Variants in UBE3C observed in about 807,000 individuals in gnomAD.
The protein encoded by UBE3C is ubiquitin protein ligase E3C.
Under a neutral mutation model 129.4 loss-of-function variants are expected in UBE3C, and 42 were observed. The ratio of observed to expected loss-of-function variants is 0.32; its 90% CI spans 0.25 to 0.42. The LOEUF (loss-of-function observed/expected upper bound fraction) is 0.42. Among genes scored for constraint, UBE3C ranks in the 10% least tolerant of loss-of-function variants. UBE3C has a pLI of 1.00. For synonymous variants in UBE3C, 510 were observed against 492.4 expected (o/e 1.04, Z -0.47); for missense variants, 1,049 against 1,319.1 (o/e 0.80, Z 3.17).
intron 10 of UBE3C, among the ~76,000 whole-genome samples, chr7:157,197,022 A>G (rs940756738): frequency 3.3e-5 from 5 of 152,246 alleles, no homozygotes; most frequent in African/African-American, 4.8e-5. Flanking sequence ...CACAGCAGTC[A>G]TAATTCTGCA....
intron 1 of UBE3C, among the ~76,000 whole-genome samples, chr7:157,139,826 C>T (rs1323441778): frequency 1.3e-5 from 2 of 152,204 alleles, no homozygotes; most frequent in Non-Finnish European, 2.9e-5. Flanking sequence ...ACCTGAAGGG[C>T]GTTTTCGGTT....
At chr7:157,146,400 C>G (rs1292399975) in intron 1 of UBE3C, among the ~76,000 whole-genome samples, 4 of 122,888 alleles carry the variant, frequency 3.3e-5, no homozygotes, top group Non-Finnish European at 6.4e-5. Flanking sequence ...CCTGGCTACT[C>G]TAGTACAGAC....
intron 18 of UBE3C, 103 bp downstream of exon 18, chr7:157,231,430 T>G: frequency 6.6e-7 from 1 of 1,513,202 alleles, no homozygotes; most frequent in Non-Finnish European, 8.8e-7. Flanking sequence ...TACTGTTTGT[T>G]TTAAATTTGG....
rs1563074158 is a variant in UBE3C, at chr7:157,248,507, A to G, written c.2621A>G (p.Lys874Arg). ...GTGTATAAGAATTTGCTCTTTCTGAAGAGCTACGAAGACGATGTGGAGGAG... is the reference window on the plus strand; with the variant it reads ...GTGTATAAGAATTTGCTCTTTCTGAGGAGCTACGAAGACGATGTGGAGGAG... The part of the protein sequence containing the change: ...PEVYKNLLFL[K>R]SYEDDVEELG... Residue 874 changes from lysine to arginine, a missense_variant, in exon 19 of 23, where the codon AAG (lysine) becomes AGG (arginine). By Grantham distance (26) the Lys-to-Arg change is conservative. This residue lies in a region of UBE3C where 243 missense variants were observed against 368.7 expected (regional missense o/e 0.66). Coordinates refer to ENST00000348165, the MANE Select transcript of UBE3C (RefSeq NM_014671.3). The G allele has an allele frequency of 6.2e-7, 1 of 1,613,278 alleles. No homozygotes were observed. The highest frequency in any genetic ancestry group is 8.5e-7 in the Non-Finnish European group (1 of 1,180,014).
intron 8 of UBE3C, among the ~76,000 whole-genome samples, 195 bp from the exon 9 acceptor site, chr7:157,183,683 C>T (rs749207685): frequency 2.6e-5 from 4 of 152,166 alleles, no homozygotes; most frequent in Non-Finnish European, 4.4e-5. Context: ...CAAGAAATTA[C>T]AAGAGTTGTA....
At chr7:157,139,873 A>G (rs879634234) in intron 1 of UBE3C, 20 of 462,428 alleles carry the variant, frequency 4.3e-5, no homozygotes, top group Admixed American at 6.4e-5. Flanking sequence ...TGATGTCGAT[A>G]ATCTCTAAAG....
intron 18 of UBE3C, among the ~76,000 whole-genome samples, chr7:157,247,982 T>C (rs766123647): frequency 6.6e-6 from 1 of 152,176 alleles, no homozygotes; most frequent in African/African-American, 2.4e-5. Flanking sequence ...TGGTTTTCAG[T>C]CTCGCAGTGT....
At chr7:157,141,125 C>T (rs1807435429) in intron 1 of UBE3C, among the ~76,000 whole-genome samples, 1 of 152,114 alleles carries the variant, frequency 6.6e-6, no homozygotes, top group African/African-American at 2.4e-5. Context: ...TAACCCTGAG[C>T]CGAGGGCCAT....
chr7:157,189,609 C>G (rs1808898909), intron 10 of UBE3C, among the ~76,000 whole-genome samples: 1 of 152,174 alleles, frequency 6.6e-6, no homozygotes, highest in Non-Finnish European at 1.5e-5. Context: ...CCCACTCAGC[C>G]CCGCGGCATT....
intron 1 of UBE3C, among the ~76,000 whole-genome samples, chr7:157,157,985 T>G (rs201879222): frequency 0.063 from 8,499 of 134,528 alleles, 266 homozygotes; most frequent in Middle Eastern, 0.098. Flanking sequence ...TATATATATA[T>G]ATAGAGAGAG....
chr7:157,249,155 C>T (rs940077422), intron 19 of UBE3C, among the ~76,000 whole-genome samples: 2 of 152,100 alleles, frequency 1.3e-5, no homozygotes, highest in South Asian at 2.1e-4. Flanking sequence ...TTAGTATATT[C>T]GTAGAGGTGT....
intron 10 of UBE3C, among the ~76,000 whole-genome samples, chr7:157,193,927 C>T (rs1276164235): frequency 6.6e-6 from 1 of 152,102 alleles, no homozygotes; most frequent in Non-Finnish European, 1.5e-5. Flanking sequence ...TAACGTAAAT[C>T]TCTATTTTGG....
chr7:157,174,959 TTGTC>T lies in UBE3C; in HGVS notation c.384_387del (p.Phe128LeufsTer16). The T allele has an allele frequency of 6.2e-7, 1 of 1,613,050 alleles. No individual in the cohort carries two copies. The highest frequency in any genetic ancestry group is 8.5e-7 in the Non-Finnish European group (1 of 1,179,560). On this transcript the variant is annotated frameshift_variant, in exon 5 of 23. Coordinates refer to ENST00000348165, the MANE Select transcript of UBE3C (RefSeq NM_014671.3). LOFTEE classifies it high-confidence loss of function. ...AACTTAATTAAACACAGCTCTCTGT[TTGTC>T]AAGCAGTTGGATGGATCTGAGAGAC...
chr7:157,192,741 G>GGT, intron 10 of UBE3C: 1 of 970,180 alleles, frequency 1.0e-6, no homozygotes, highest in South Asian at 1.3e-5. Context: ...TGATGAATGT[G>GGT]GTGCTGGAGT....
Position 157,183,769 on chromosome 7 carries a change from G to T in UBE3C, c.992-109G>T, listed in dbSNP as rs1343163944. 3.0e-6 allele frequency: 4 copies of T among 1,328,054 alleles called. No individual in the cohort carries two copies. The East Asian group carries it at 9.3e-5, about 31-fold the overall frequency. 82.3% of individuals were successfully genotyped at this position (1,328,054 alleles called of 1,614,324 possible). On this transcript the variant is annotated intron_variant, in intron 8 of 22. Coordinates refer to ENST00000348165, the MANE Select transcript of UBE3C (RefSeq NM_014671.3). ...AACACAGTTAGAATTTTAAAAATAA[G>T]ATCTGGTCAGAAATGCCTCTCTGCG...
rs1808736319 is a variant in UBE3C at position 157,183,895 on chromosome 7, G to A, written c.1009G>A (p.Gly337Arg). The A allele has an allele frequency of 1.9e-6, 3 of 1,613,704 alleles. No individual in the cohort carries two copies. Among genetic ancestry groups the A allele is most frequent in the Non-Finnish European group, 2.5e-6 (3 of 1,179,792 alleles). Residue 337 changes from glycine (G) to arginine (R), a missense_variant, in exon 9 of 23, where the codon GGG (glycine) becomes AGG (arginine). By Grantham distance (125) the Gly-to-Arg change is moderately radical. Coordinates refer to ENST00000348165, the MANE Select transcript of UBE3C (RefSeq NM_014671.3). ...TTGCAAAGGGGCCCTCTCTGAGGAA[G>A]GGCTGCTGGTGTATTTGCGGGTGCT... ...ENYLGALSEE[G>R]LLVYLRVLQT...
intron 18 of UBE3C, among the ~76,000 whole-genome samples, chr7:157,238,897 A>G (rs1163183201): frequency 6.6e-6 from 1 of 152,214 alleles, no homozygotes; most frequent in Non-Finnish European, 1.5e-5. Flanking sequence ...TGCCAAATAA[A>G]GACAGTGTTT....
At chr7:157,163,248 G>A (rs1435226824) in intron 1 of UBE3C, among the ~76,000 whole-genome samples, 2 of 151,956 alleles carry the variant, frequency 1.3e-5, no homozygotes, top group East Asian at 1.9e-4. Flanking sequence ...TTAGCCGGGC[G>A]TGGTGGCGGG....
At chr7:157,226,976 A>G (rs186997134) in intron 17 of UBE3C, among the ~76,000 whole-genome samples, 254 of 152,340 alleles carry the variant, frequency 1.7e-3, no homozygotes, top group Non-Finnish European at 3.0e-3. Context: ...ACAGTACCTT[A>G]TAAATCAATT....
Sources: allele counts gnomAD v4.1 joint callset (sites outside exome capture counted in the v4.1 genomes callset), GRCh38; gene constraint gnomAD v4.1.1; regional missense constraint gnomAD v4.1.1; transcripts MANE v1.5; gene names NCBI Gene and HGNC (gene_info 2026-07-23, HGNC 2026-07-21).